The following AKAP19 variants were observed in gnomAD, a reference collection of about 807,000 sequenced individuals.
AKAP19 encodes the protein A-kinase anchoring protein 19, also known as small A-kinase anchoring protein.
the AKAP19 span, among the ~76,000 whole-genome samples, chr2:189,893,350 A>G: frequency 1.3e-5 from 2 of 152,312 alleles, no homozygotes; most frequent in African/African-American, 4.8e-5. Flanking sequence ...CTGGTGGCGT[A>G]GGCACCTGAA....
the AKAP19 span, among the ~76,000 whole-genome samples, chr2:190,164,935 T>C: frequency 1.5e-4 from 23 of 152,346 alleles, no homozygotes; most frequent in South Asian, 4.3e-3. Context: ...ATGATTTTTG[T>C]TGGTTATACA....
the AKAP19 span, among the ~76,000 whole-genome samples, chr2:189,994,227 G>A: frequency 6.6e-6 from 1 of 152,122 alleles, no homozygotes; most frequent in Non-Finnish European, 1.5e-5. Context: ...GGCCAGGCTG[G>A]TCTTGAATTC....
the AKAP19 span, among the ~76,000 whole-genome samples, chr2:190,182,940 T>C: frequency 2.9e-4 from 44 of 152,270 alleles, no homozygotes; most frequent in Admixed American, 2.5e-3. Flanking sequence ...GTTTGTTAGA[T>C]AGACGTTTTA....
chr2:190,054,555 A>G, the AKAP19 span, among the ~76,000 whole-genome samples: 3 of 152,246 alleles, frequency 2.0e-5, no homozygotes, highest in Admixed American at 2.0e-4. Flanking sequence ...GGCAACCTAC[A>G]GAATGGGAGA....
the AKAP19 span, among the ~76,000 whole-genome samples, chr2:189,921,974 G>T: frequency 6.6e-6 from 1 of 152,170 alleles, no homozygotes; most frequent in African/African-American, 2.4e-5. Flanking sequence ...AAAATGAATT[G>T]GTAAGTATAA....
the AKAP19 span, among the ~76,000 whole-genome samples, chr2:189,910,552 G>GA: frequency 1.9e-3 from 280 of 146,986 alleles, 3 homozygotes; most frequent in African/African-American, 5.9e-3. Flanking sequence ...TTCAAAGATA[G>GA]AAAAAAAAAA....
At chr2:190,041,481 C>T in the AKAP19 span, among the ~76,000 whole-genome samples, 1 of 152,156 alleles carries the variant, frequency 6.6e-6, no homozygotes, top group Non-Finnish European at 1.5e-5. Context: ...AGTTTGATGT[C>T]TTTTCTTCCT....
the AKAP19 span, among the ~76,000 whole-genome samples, chr2:190,081,225 C>T: frequency 1.3e-5 from 2 of 151,800 alleles, no homozygotes; most frequent in East Asian, 3.9e-4. Context: ...TCCCCCCATC[C>T]CCTGCCACAA....
the AKAP19 span, among the ~76,000 whole-genome samples, chr2:190,017,741 A>G: frequency 6.6e-6 from 1 of 152,186 alleles, no homozygotes; most frequent in Non-Finnish European, 1.5e-5. Flanking sequence ...TATTACTTAT[A>G]CCATGAGTTT....
chr2:190,023,818 T>C, the AKAP19 span, among the ~76,000 whole-genome samples: 13 of 146,488 alleles, frequency 8.9e-5, no homozygotes, highest in South Asian at 2.1e-4. Flanking sequence ...TATATATATA[T>C]ACATATATAT....
chr2:189,917,209 G>C, the AKAP19 span: 1 of 902,506 alleles, frequency 1.1e-6, no homozygotes, highest in Non-Finnish European at 1.7e-6. Context: ...AAAATGCAGT[G>C]ATCAAAATAC....
the AKAP19 span, among the ~76,000 whole-genome samples, chr2:190,099,651 T>C: frequency 2.9e-4 from 44 of 152,318 alleles, no homozygotes; most frequent in African/African-American, 1.1e-3. Context: ...GATGCAGAGT[T>C]GCCACAAACT....
At chr2:189,965,338 G>C in the AKAP19 span, among the ~76,000 whole-genome samples, 2 of 152,164 alleles carry the variant, frequency 1.3e-5, no homozygotes, top group South Asian at 4.2e-4. Flanking sequence ...TAATGAAAAA[G>C]ATTGAAATAC....
the AKAP19 span, among the ~76,000 whole-genome samples, chr2:189,895,145 TTAAAA>T: frequency 2.0e-5 from 3 of 151,780 alleles, no homozygotes; most frequent in Admixed American, 2.0e-4. Context: ...AAAGAAAATA[TTAAAA>T]TGAAAGAGCA....
At chr2:190,199,930 A>G in the AKAP19 span, 1 of 1,613,980 alleles carries the variant, frequency 6.2e-7, no homozygotes, top group East Asian at 2.2e-5. Context: ...GCAGCATGAG[A>G]GTGAAGAACC....
chr2:190,098,518 C>T, the AKAP19 span, among the ~76,000 whole-genome samples: 3 of 152,078 alleles, frequency 2.0e-5, no homozygotes, highest in Admixed American at 2.0e-4. Context: ...ATCATCCAGG[C>T]TTTGTTCTTT....
chr2:189,953,654 A>C, the AKAP19 span, among the ~76,000 whole-genome samples: 1,503 of 151,706 alleles, frequency 9.9e-3, 33 homozygotes, highest in African/African-American at 0.034. Context: ...AAAAAAAAAA[A>C]AAAAACAAAG....
At chr2:190,076,418 T>C in the AKAP19 span, among the ~76,000 whole-genome samples, 1 of 152,208 alleles carries the variant, frequency 6.6e-6, no homozygotes, top group Admixed American at 6.5e-5. Context: ...AGTGTCTATA[T>C]GATAACATTT....
At chr2:190,105,922 T>G in the AKAP19 span, among the ~76,000 whole-genome samples, 1 of 152,224 alleles carries the variant, frequency 6.6e-6, no homozygotes, top group Non-Finnish European at 1.5e-5. Context: ...TCTAGCACAT[T>G]TCCTAGCACA....
Sources: gnomAD v4.1 joint callset for allele counts (sites outside exome capture counted in the v4.1 genomes callset) on GRCh38, gnomAD v4.1.1 for gene constraint, MANE v1.5 for transcripts, NCBI Gene and HGNC (gene_info 2026-07-23, HGNC 2026-07-21) for gene names.